TOMM70: variants seen among roughly 807,000 people sequenced by gnomAD.
The protein encoded by TOMM70 is translocase of outer mitochondrial membrane 70.
Under a neutral mutation model 73.6 loss-of-function variants are expected in TOMM70, and 13 were observed. The observed-to-expected ratio is 0.18, with a 90% CI of 0.11 to 0.28. The LOEUF is 0.28. Ranked by LOEUF, TOMM70 falls within the 10% of genes least tolerant of loss-of-function variation. The pLI is 1.00. For synonymous variants in TOMM70, 257 were observed against 271.2 expected (o/e 0.95, Z 0.51); for missense variants, 609 against 747.5 (o/e 0.81, Z 2.16).
chr3:100,386,953 G>A lies in TOMM70; in HGVS notation c.350C>T (p.Ala117Val), dbSNP rs1287169667. 6.2e-7 allele frequency: 1 copy of A among 1,613,764 alleles called. No homozygotes were observed. The highest frequency in any genetic ancestry group is 1.7e-5 in the Admixed American group (1 of 59,946). ...AAAATATTTATTGCCTTTATTCTTG[G>A]CTGCTTGGGCTCTATCAAGAGAGTT... ...DMNSLDRAQA[A>V]KNKGNKYFKA... Residue 117 changes from alanine to valine, a missense_variant, in exon 2 of 12, where the codon GCC becomes GTC. Coordinates refer to ENST00000284320, the MANE Select transcript of TOMM70 (RefSeq NM_014820.5).
chr3:100,369,964 T>A lies in TOMM70; in HGVS notation c.1453-829A>T, dbSNP rs115508124. ...AATAATTCCCTAATATTATCTATAATACCTAGCCCATATTCAGTTAACCCC... is the reference window on the plus strand; with the variant it reads ...AATAATTCCCTAATATTATCTATAAAACCTAGCCCATATTCAGTTAACCCC... On this transcript the variant is annotated intron_variant, in intron 9 of 11. Coordinates refer to ENST00000284320, the MANE Select transcript of TOMM70 (RefSeq NM_014820.5). 3.3e-3 allele frequency among the ~76,000 whole-genome samples: 510 copies of A among 152,346 alleles called. 4 individuals carry two copies. The highest frequency in any genetic ancestry group is 0.014 in the Middle Eastern group (4 of 294).
At chr3:100,395,165 T>C (rs7629278) in intron 1 of TOMM70, among the ~76,000 whole-genome samples, 112,017 of 152,018 alleles carry the variant, frequency 0.74, 42,189 homozygotes, top group East Asian at 0.93. Context: ...GTCAGGAGAT[T>C]GAGACCATCC....
intron 5 of TOMM70, among the ~76,000 whole-genome samples, chr3:100,379,385 A>G (rs1351399019): frequency 6.6e-6 from 1 of 152,184 alleles, no homozygotes; most frequent in Non-Finnish European, 1.5e-5. Context: ...GTAGTATGGA[A>G]GGCTAACGTG....
chr3:100,386,106 C>A lies in TOMM70; in HGVS notation c.625+112G>T, dbSNP rs1331400491. ...GACACAATCTTAAGTGCAAAGGAAT[C>A]CAACTTTTAAAAACAACTGATTCTT... On this transcript the variant is annotated intron_variant, in intron 3 of 11. Coordinates refer to ENST00000284320, the MANE Select transcript of TOMM70 (RefSeq NM_014820.5). The A allele has an allele frequency of 2.4e-6, 3 of 1,255,056 alleles. No individual in the cohort carries two copies. In the African/African-American group the frequency reaches 4.5e-5, roughly 19 times the overall value. 77.7% of individuals were successfully genotyped at this position (1,255,056 alleles called of 1,614,324 possible).
chr3:100,366,331 C>G (rs1009278904), intron 11 of TOMM70, among the ~76,000 whole-genome samples: 1 of 152,178 alleles, frequency 6.6e-6, no homozygotes, highest in Non-Finnish European at 1.5e-5. Context: ...CCACAGCTAT[C>G]TAAGAACCAA....
intron 3 of TOMM70, among the ~76,000 whole-genome samples, chr3:100,385,043 G>A (rs918687541): frequency 4.7e-4 from 71 of 152,352 alleles, no homozygotes; most frequent in African/African-American, 1.7e-3. Context: ...AGCTCAAGAT[G>A]CATGCAGTGG....
At chr3:100,368,893 A>C in intron 10 of TOMM70, 145 bp downstream of exon 10, 1 of 603,412 alleles carries the variant, frequency 1.7e-6, no homozygotes, top group Non-Finnish European at 2.9e-6. Context: ...AATTTCTGTA[A>C]GAATGAAAAG....
At chr3:100,384,613 G>A (rs775227902) in intron 3 of TOMM70, 25 bp from the exon 4 acceptor site, 3 of 1,465,018 alleles carry the variant, frequency 2.0e-6, no homozygotes, top group South Asian at 2.8e-5. Flanking sequence ...AAACACAAGG[G>A]TAAATATAAA....
At chr3:100,387,457 C>G (rs1300063905) in intron 1 of TOMM70, among the ~76,000 whole-genome samples, 3 of 151,720 alleles carry the variant, frequency 2.0e-5, no homozygotes, top group Non-Finnish European at 2.9e-5. Flanking sequence ...CGCCTGCCCC[C>G]CCAAAAAAGC....
Position 100,368,036 on chromosome 3 carries a change from G to C in TOMM70, c.1673+8C>G. The stretch of plus-strand genomic sequence containing the variant: ...ACCATATATTTCCTAACAGACTCCA[G>C]AAGTTACCTTTGTACTTCAATAGTT... On this transcript the variant is annotated splice_region_variant and intron_variant, in intron 11 of 11. Transcript: ENST00000284320. The C allele has an allele frequency of 4.3e-6, 7 of 1,612,194 alleles. No individual in the cohort carries two copies. The highest frequency in any genetic ancestry group is 5.9e-6 in the Non-Finnish European group (7 of 1,179,314).
At chr3:100,392,678 A>G (rs1044143918) in intron 1 of TOMM70, among the ~76,000 whole-genome samples, 6 of 151,780 alleles carry the variant, frequency 4.0e-5, no homozygotes, top group Non-Finnish European at 8.8e-5. Flanking sequence ...TCAGCCTCCC[A>G]AAGTGTTGGG....
At chr3:100,375,213 T>C (rs1033119318) in intron 6 of TOMM70, 61 bp from the exon 7 acceptor site, 2 of 1,473,246 alleles carry the variant, frequency 1.4e-6, no homozygotes, top group Admixed American at 2.4e-5. Context: ...ATCTAGTTTC[T>C]TTAAATAACA....
At chr3:100,376,369 G>GTTTTTTTTTTTTTTTTTTTTTGTTTTT (rs141227349) in intron 6 of TOMM70, among the ~76,000 whole-genome samples, 1 of 121,768 alleles carries the variant, frequency 8.2e-6, no homozygotes, top group Non-Finnish European at 1.6e-5. Flanking sequence ...TCACACAGAA[G>GTTTTTTTTTTTTTTTTTTTTTGTTTTT]TTTTTTTTTT....
At chr3:100,381,825 A>C in intron 4 of TOMM70, 62 bp from the exon 5 acceptor site, 1 of 1,453,436 alleles carries the variant, frequency 6.9e-7, no homozygotes, top group Non-Finnish European at 9.2e-7. Flanking sequence ...AAGCAGGTAC[A>C]TTGTAGAACG....
chr3:100,372,695 A>G lies in TOMM70; in HGVS notation c.1363T>C (p.Ser455Pro), dbSNP rs1706524136. 1 of 1,613,936 alleles carries G rather than the reference A, an allele frequency of 6.2e-7. No homozygotes were observed. The highest frequency in any genetic ancestry group is 8.5e-7 in the Non-Finnish European group (1 of 1,179,966). ...LYRQAYTGNN[S>P]SQIQAAMKGF... ...TTCATAGCTGCTTGGATTTGTGAAG[A>G]GTTGTTTCCCGTATATGCCTGGCGG... Residue 455 changes from serine to proline, a missense_variant, in exon 9 of 12, where the codon TCT becomes CCT. Physicochemically the swap from Ser to Pro is moderately conservative, Grantham distance 74. This residue lies in a region of TOMM70 where 432 missense variants were observed against 584.1 expected (regional missense o/e 0.74). Coordinates refer to ENST00000284320, the MANE Select transcript of TOMM70 (RefSeq NM_014820.5).
chr3:100,383,536 A>AT (rs1706659687), intron 4 of TOMM70, among the ~76,000 whole-genome samples: 1 of 149,440 alleles, frequency 6.7e-6, no homozygotes, highest in South Asian at 2.1e-4. Flanking sequence ...AAAAAAAAAA[A>AT]CAGAGAGAGA....
chr3:100,400,218 A>C (rs1706876516), intron 1 of TOMM70, among the ~76,000 whole-genome samples: 1 of 152,188 alleles, frequency 6.6e-6, no homozygotes, highest in African/African-American at 2.4e-5. Flanking sequence ...TCATTATTAA[A>C]AGGCTCTTAG....
intron 6 of TOMM70, among the ~76,000 whole-genome samples, chr3:100,377,038 C>T (rs1465411356): frequency 1.3e-5 from 2 of 150,828 alleles, no homozygotes; most frequent in Non-Finnish European, 2.9e-5. Context: ...ATATCCCCCC[C>T]AAATATAGGA....
In TOMM70 at chr3:100,365,404, AC is replaced by A; in HGVS notation, c.*159del. Reference sequence around the variant, plus strand: ...ACTGCAAACTTCCTTCAACAGCCACACCCACAACACCTAGACATGAAACAGA... The same window carrying A: ...ACTGCAAACTTCCTTCAACAGCCACACCACAACACCTAGACATGAAACAGA... On this transcript the variant is annotated 3_prime_UTR_variant, in exon 12 of 12. Transcript: ENST00000284320. 1 of 1,075,580 alleles carries A rather than the reference AC, an allele frequency of 9.3e-7. No individual in the cohort carries two copies. Among genetic ancestry groups the A allele is most frequent in the Non-Finnish European group, 1.3e-6 (1 of 767,138 alleles). 66.6% of individuals were successfully genotyped at this position (1,075,580 alleles called of 1,614,324 possible). A position where few individuals can be genotyped will look rare whatever the true frequency, so the allele number is the denominator to read the frequency against.
Sources: gnomAD v4.1 joint callset for allele counts (sites outside exome capture counted in the v4.1 genomes callset) on GRCh38, gnomAD v4.1.1 for gene constraint, gnomAD v4.1.1 regional missense constraint, MANE v1.5 for transcripts, NCBI Gene and HGNC (gene_info 2026-07-23, HGNC 2026-07-21) for gene names.